DYNC1H1: variants seen among roughly 807,000 people sequenced by gnomAD.
The protein encoded by DYNC1H1 is dynein cytoplasmic 1 heavy chain 1.
In DYNC1H1, 51 loss-of-function variants were observed where a neutral mutation model predicts 527.1. The ratio of observed to expected loss-of-function variants is 0.10; its 90% CI spans 0.08 to 0.12. The LOEUF (loss-of-function observed/expected upper bound fraction) is 0.12. Among genes scored for constraint, DYNC1H1 ranks in the 10% least tolerant of loss-of-function variants. DYNC1H1 has a pLI of 1.00. For synonymous variants in DYNC1H1, 2,189 were observed against 2,278.8 expected (o/e 0.96, Z 1.12); for missense variants, 2,771 against 5,971.8 (o/e 0.46, Z 17.66).
chr14:102,000,573 C>A, intron 18 of DYNC1H1, 174 bp downstream of exon 18: 1 of 419,860 alleles, frequency 2.4e-6, no homozygotes, highest in Non-Finnish European at 4.2e-6. Flanking sequence ...ATTTTGAAAC[C>A]TTTTTTTTTT....
chr14:102,045,746 C>G (rs185065836), intron 72 of DYNC1H1, among the ~76,000 whole-genome samples: 1 of 151,956 alleles, frequency 6.6e-6, no homozygotes, highest in Non-Finnish European at 1.5e-5. Context: ...CACTTACTTA[C>G]AAGATGTTTT....
At position 102,012,751 on chromosome 14, in the gene DYNC1H1, C is replaced by T. The variant is rs1275344376; in HGVS notation, c.7014+281C>T. The T allele has an allele frequency of 1.3e-5, 6 of 463,066 alleles. No individual in the cohort carries two copies. The highest frequency in any genetic ancestry group is 2.1e-5 in the South Asian group (1 of 46,948). 28.7% of individuals were successfully genotyped at this position (463,066 alleles called of 1,614,324 possible). A position where few individuals can be genotyped will look rare whatever the true frequency, so the allele number is the denominator to read the frequency against. On this transcript the variant is annotated intron_variant, in intron 34 of 77. Coordinates refer to ENST00000360184, the MANE Select transcript of DYNC1H1 (RefSeq NM_001376.5). This position sits in a 1 kb window ranked among gnomAD's most constrained non-coding sequence, Gnocchi z 4.9. ...AGTTAACCCTGTATGGTGGGGTTGT[C>T]GTTAAGGTTTCTTAAGCTGTTATAC... is the stretch of plus-strand genomic sequence containing the variant.
rs143510118 is a variant in DYNC1H1, at chr14:102,052,262, C to A, written c.*1699C>A. On this transcript the variant is annotated 3_prime_UTR_variant, in exon 78 of 78. Transcript: ENST00000360184. The stretch of plus-strand genomic sequence containing the variant: ...GATCCTCCCACCTCAGCCTTCTGAG[C>A]AGCTGGGACCACAGACACACACCAC... 6,265 of 152,468 alleles carry A rather than the reference C, an allele frequency of 0.041. 372 individuals carry two copies. The highest frequency in any genetic ancestry group is 0.13 in the African/African-American group (5,238 of 41,474). 9.4% of individuals were successfully genotyped at this position (152,468 alleles called of 1,614,324 possible).
intron 48 of DYNC1H1, chr14:102,028,506 C>T: frequency 2.9e-6 from 1 of 347,406 alleles, no homozygotes; most frequent in Admixed American, 4.0e-5. Flanking sequence ...CAGAGCAAGA[C>T]CCAGACTCAA....
At position 102,056,171 on chromosome 14, in the gene DYNC1H1, A is replaced by G. The variant is rs2048875313; in HGVS notation, c.*5608A>G. 1.3e-5 allele frequency: 2 copies of G among 152,196 alleles called. No individual in the cohort carries two copies. Among genetic ancestry groups the G allele is most frequent in the South Asian group, 4.1e-4 (2 of 4,834 alleles). The allele number at this position is 152,196 out of a possible 1,614,324, so 9.4% of individuals were successfully genotyped here. A position where few individuals can be genotyped will look rare whatever the true frequency, so the allele number is the denominator to read the frequency against. On this transcript the variant is annotated 3_prime_UTR_variant, in exon 78 of 78. Coordinates refer to ENST00000360184, the MANE Select transcript of DYNC1H1 (RefSeq NM_001376.5). ...AAACCTAGTCGTTAAAAATCAGCTC[A>G]TGACTTAGAACCCGATGTTACCCAT...
intron 15 of DYNC1H1, among the ~76,000 whole-genome samples, chr14:101,996,373 G>C (rs1013341807): frequency 4.0e-5 from 6 of 151,792 alleles, no homozygotes; most frequent in African/African-American, 1.2e-4. Flanking sequence ...CAAGTGATCT[G>C]CCCGCCTTGA....
At chr14:101,972,347 T>G (rs1272502955) in intron 1 of DYNC1H1, among the ~76,000 whole-genome samples, 1 of 152,218 alleles carries the variant, frequency 6.6e-6, no homozygotes, top group Non-Finnish European at 1.5e-5. Context: ...CGTGTCTTTA[T>G]AGGGAATATG....
chr14:102,052,750 C>T lies in DYNC1H1; in HGVS notation c.*2187C>T, dbSNP rs1224180474. The T allele has an allele frequency of 6.6e-6, 1 of 152,286 alleles. No individual in the cohort carries two copies. 9.4% of individuals were successfully genotyped at this position (152,286 alleles called of 1,614,324 possible). ...GCGGCCCTGGGGGTCTGGTCCTCCTCCGCCATCCTCGAGTCCTCGGGCTAC... is the reference window on the plus strand; with the variant it reads ...GCGGCCCTGGGGGTCTGGTCCTCCTTCGCCATCCTCGAGTCCTCGGGCTAC... On this transcript the variant is annotated 3_prime_UTR_variant, in exon 78 of 78. Transcript: ENST00000360184.
rs17540561 is a variant in DYNC1H1 at position 101,964,599 on chromosome 14, C to T, written c.-93C>T. The T allele has an allele frequency of 1.8e-5, 27 of 1,528,528 alleles. No individual in the cohort carries two copies. The highest frequency in any genetic ancestry group is 2.8e-5 in the African/African-American group (2 of 72,566). 94.7% of individuals were successfully genotyped at this position (1,528,528 alleles called of 1,614,324 possible). A position where few individuals can be genotyped will look rare whatever the true frequency, so the allele number is the denominator to read the frequency against. On this transcript the variant is annotated 5_prime_UTR_variant, in exon 1 of 78. Coordinates refer to ENST00000360184, the MANE Select transcript of DYNC1H1 (RefSeq NM_001376.5). This position sits in a 1 kb window ranked among gnomAD's most constrained non-coding sequence, Gnocchi z 5.5. ...GTCTGCGGTGGGCTAGCGGACGGTCCGGCTTCCGGCGGCCGTTTCTGTCTC... is the reference window on the plus strand; with the variant it reads ...GTCTGCGGTGGGCTAGCGGACGGTCTGGCTTCCGGCGGCCGTTTCTGTCTC...
chr14:101,996,573 C>G (rs899807010), intron 15 of DYNC1H1, among the ~76,000 whole-genome samples: 5 of 152,188 alleles, frequency 3.3e-5, no homozygotes, highest in African/African-American at 1.2e-4. Context: ...CCTCTGGCCA[C>G]GATGTCTTAG....
rs760978046 is a variant in DYNC1H1, at chr14:102,016,559, G to T, written c.7614+70G>T. The stretch of plus-strand genomic sequence containing the variant: ...GATTTAACTCATCCTGGAACAAGCT[G>T]ACCATGGACCTTGGCTTCGTCTTTT... On this transcript the variant is annotated intron_variant, in intron 37 of 77. Coordinates refer to ENST00000360184, the MANE Select transcript of DYNC1H1 (RefSeq NM_001376.5). The surrounding 1 kb of genome is among the most constrained non-coding windows in gnomAD (Gnocchi z 7.3). 66 of 1,612,814 alleles carry T rather than the reference G, an allele frequency of 4.1e-5. No individual in the cohort carries two copies. The highest frequency in any genetic ancestry group is 5.5e-5 in the Non-Finnish European group (65 of 1,179,240).
chr14:101,987,126 G>A (rs1428349162), intron 8 of DYNC1H1, among the ~76,000 whole-genome samples: 2 of 152,230 alleles, frequency 1.3e-5, no homozygotes, highest in Non-Finnish European at 2.9e-5. Flanking sequence ...AGATGCATAC[G>A]ACAGCGAGGC....
In DYNC1H1 at chr14:101,986,892, C is replaced by T; in HGVS notation, c.2538+129C>T. The T allele has an allele frequency of 8.6e-7, 1 of 1,165,446 alleles. No individual in the cohort carries two copies. The highest frequency in any genetic ancestry group is 1.2e-5 in the South Asian group (1 of 80,802). 72.2% of individuals were successfully genotyped at this position (1,165,446 alleles called of 1,614,324 possible). On this transcript the variant is annotated intron_variant, in intron 8 of 77. Transcript: ENST00000360184. This position sits in a 1 kb window ranked among gnomAD's most constrained non-coding sequence, Gnocchi z 8.7. Reference sequence around the variant, plus strand: ...ATGCAGCATACGGCCATGTGAGCTGCAAGGGAGGAGGACCCTTTGTACTCA... The same window carrying T: ...ATGCAGCATACGGCCATGTGAGCTGTAAGGGAGGAGGACCCTTTGTACTCA...
chr14:102,018,906 G>A lies in DYNC1H1; in HGVS notation c.8343+290G>A, dbSNP rs544987198. Among the ~76,000 whole-genome samples the A allele has an allele frequency of 6.6e-6, 1 of 152,174 alleles. No individual in the cohort carries two copies. Among genetic ancestry groups the A allele is most frequent in the African/African-American group, 2.4e-5 (1 of 41,438 alleles). The stretch of plus-strand genomic sequence containing the variant: ...GCAGAGCTTACGATGAGCCATGATT[G>A]TGCCACTGCACCAGCCTGGGTGACA... On this transcript the variant is annotated intron_variant, in intron 41 of 77. Coordinates refer to ENST00000360184, the MANE Select transcript of DYNC1H1 (RefSeq NM_001376.5). The surrounding 1 kb of genome is among the most constrained non-coding windows in gnomAD (Gnocchi z 5.2).
Position 102,044,703 on chromosome 14 carries a change from G to A in DYNC1H1, c.13006+5G>A. On this transcript the variant is annotated splice_donor_5th_base_variant and intron_variant, in intron 72 of 77. Transcript: ENST00000360184. The surrounding 1 kb of genome is among the most constrained non-coding windows in gnomAD (Gnocchi z 7.1). ...GAGTCCTCCTTACCACACAGGGTAG[G>A]CAACAAGGATCCTCCCCACACGCAG... 6.2e-7 allele frequency: 1 copy of A among 1,613,452 alleles called. No homozygotes were observed. Among genetic ancestry groups the A allele is most frequent in the Non-Finnish European group, 8.5e-7 (1 of 1,179,996 alleles).
Position 102,049,167 on chromosome 14 carries a change from G to T in DYNC1H1, c.13373-273G>T, listed in dbSNP as rs10136116. The T allele has an allele frequency of 3.8e-6, 2 of 529,188 alleles. No homozygotes were observed. Among genetic ancestry groups the T allele is most frequent in the Non-Finnish European group, 6.8e-6 (2 of 292,478 alleles). The allele number at this position is 529,188 out of a possible 1,614,324, so 32.8% of individuals were successfully genotyped here. A position where few individuals can be genotyped will look rare whatever the true frequency, so the allele number is the denominator to read the frequency against. On this transcript the variant is annotated intron_variant, in intron 74 of 77. Transcript: ENST00000360184. This position sits in a 1 kb window ranked among gnomAD's most constrained non-coding sequence, Gnocchi z 5.5. ...TGAGGTTTTAGCCGCGGTTTTGCTT[G>T]GATGTGATTATGGTCCTCCAGAAAG... is the stretch of plus-strand genomic sequence containing the variant.
intron 7 of DYNC1H1, among the ~76,000 whole-genome samples, chr14:101,984,456 T>A (rs2141273538): frequency 1.6e-5 from 2 of 125,696 alleles, no homozygotes; most frequent in South Asian, 2.7e-4. Context: ...TTATATTTTT[T>A]TTTTTTTTTT....
At chr14:101,988,041 G>A (rs778853337) in intron 9 of DYNC1H1, among the ~76,000 whole-genome samples, 1 of 152,106 alleles carries the variant, frequency 6.6e-6, no homozygotes, top group South Asian at 2.1e-4. Context: ...TCGCACCACT[G>A]CACTCTAGCA....
Position 101,979,352 on chromosome 14 carries a change from T to C in DYNC1H1, c.378T>C (p.Asp126=), listed in dbSNP as rs755261254. The change falls in exon 3 of 78, where the codon GAT becomes GAC. Residue 126 remains aspartate, a synonymous_variant. Coordinates refer to ENST00000360184, the MANE Select transcript of DYNC1H1 (RefSeq NM_001376.5). This position sits in a 1 kb window ranked among gnomAD's most constrained non-coding sequence, Gnocchi z 4.6. ...LAFIKRTPVI[D]ADKPVSSQLR... ...TCATTAAACGTACTCCCGTGATTGA[T>C]GCAGATAAACCCGTGTCTTCTCAGC... 5.6e-6 allele frequency: 9 copies of C among 1,614,222 alleles called. No homozygotes were observed. The highest frequency in any genetic ancestry group is 7.6e-6 in the Non-Finnish European group (9 of 1,180,036).
Sources: gnomAD v4.1 joint callset for allele counts (sites outside exome capture counted in the v4.1 genomes callset) on GRCh38, gnomAD v4.1.1 for gene constraint, Gnocchi (gnomAD v3.1) non-coding constraint, MANE v1.5 for transcripts, NCBI Gene and HGNC (gene_info 2026-07-23, HGNC 2026-07-21) for gene names.